Variants in RMST observed in about 807,000 individuals in gnomAD.
The protein encoded by RMST is long intergenic non-protein coding RNA 54.
chr12:97,514,797 A>C (rs1879771440), intron 10 of RMST, among the ~76,000 whole-genome samples: 1 of 152,164 alleles, frequency 6.6e-6, no homozygotes, highest in African/African-American at 2.4e-5. Context: ...AAAGGGAAAA[A>C]AATCATTTGA....
exon 14 of RMST, chr12:97,564,222 C>T (rs1423221607): frequency 5.5e-6 from 1 of 181,602 alleles, no homozygotes. Context: ...TGCCTTCTTT[C>T]GCCACCTGTT....
intron 5 of RMST, among the ~76,000 whole-genome samples, chr12:97,481,074 G>A (rs1875214660): frequency 6.6e-6 from 1 of 152,178 alleles, no homozygotes. Context: ...CACAGAACTG[G>A]AACGATCTTT....
Position 97,562,515 on chromosome 12 carries a change from G to A in RMST, n.1958+1468G>A, listed in dbSNP as rs1258240691. 2.0e-5 allele frequency among the ~76,000 whole-genome samples: 3 copies of A among 152,068 alleles called. No individual in the cohort carries two copies. The East Asian group carries it at 5.8e-4, about 29-fold the overall frequency. On this transcript the variant is annotated intron_variant and non_coding_transcript_variant, in intron 13 of 13. Transcript: ENST00000640149. The stretch of plus-strand genomic sequence containing the variant: ...GAGCCAGCTGGGGGAGGAGGTAGAG[G>A]TGGAGTCTGGGAGGTAGAAGGTGGA...
At chr12:97,467,019 CAG>C (rs1202409412) in intron 5 of RMST, among the ~76,000 whole-genome samples, 1 of 151,872 alleles carries the variant, frequency 6.6e-6, no homozygotes, top group Non-Finnish European at 1.5e-5. Flanking sequence ...GCATGCAAGT[CAG>C]AGAAAGCTGA....
chr12:97,508,479 A>G (rs1258577225), intron 10 of RMST, among the ~76,000 whole-genome samples: 2 of 152,146 alleles, frequency 1.3e-5, no homozygotes, highest in Non-Finnish European at 2.9e-5. Flanking sequence ...GGAGGAAGAA[A>G]GGTGGTCAGC....
intron 10 of RMST, among the ~76,000 whole-genome samples, chr12:97,529,929 C>A (rs1881481860): frequency 6.6e-6 from 1 of 152,038 alleles, no homozygotes; most frequent in South Asian, 2.1e-4. Context: ...TTTTAGCTGA[C>A]ATGCCTAAAT....
intron 10 of RMST, among the ~76,000 whole-genome samples, chr12:97,524,001 G>A (rs965932517): frequency 6.8e-6 from 1 of 147,008 alleles, no homozygotes; most frequent in Middle Eastern, 3.7e-3. Context: ...GCGTGACCCC[G>A]GGAGGCGGAG....
At chr12:97,557,523 T>C (rs142279731) in intron 11 of RMST, among the ~76,000 whole-genome samples, 1 of 152,332 alleles carries the variant, frequency 6.6e-6, no homozygotes, top group African/African-American at 2.4e-5. Context: ...GAACACAGAA[T>C]GGCTTAGCTG....
At chr12:97,516,500 A>G (rs80323608) in intron 10 of RMST, among the ~76,000 whole-genome samples, 1 of 152,174 alleles carries the variant, frequency 6.6e-6, no homozygotes, top group East Asian at 1.9e-4. Flanking sequence ...ACTTGATTCA[A>G]TGTACATTGA....
chr12:97,534,673 T>C (rs957485476), intron 11 of RMST, among the ~76,000 whole-genome samples: 1 of 151,752 alleles, frequency 6.6e-6, no homozygotes, highest in African/African-American at 2.4e-5. Flanking sequence ...GAAGACATTT[T>C]ATTTCTTTAT....
intron 5 of RMST, among the ~76,000 whole-genome samples, chr12:97,482,456 G>C (rs1221155367): frequency 6.6e-6 from 1 of 151,710 alleles, no homozygotes; most frequent in East Asian, 1.9e-4. Context: ...ACTTCCATTA[G>C]TAACTTTTTT....
At chr12:97,512,221 G>A (rs570954472) in intron 10 of RMST, among the ~76,000 whole-genome samples, 2 of 152,256 alleles carry the variant, frequency 1.3e-5, no homozygotes, top group East Asian at 1.9e-4. Flanking sequence ...CGTTCCTCCC[G>A]GTGGGTTCAT....
At chr12:97,530,286 G>A (rs1881508942) in intron 10 of RMST, 1 of 152,052 alleles carries the variant, frequency 6.6e-6, no homozygotes, top group Non-Finnish European at 1.5e-5. Context: ...CCTCCCTGTT[G>A]CAACTTAGCA....
intron 10 of RMST, among the ~76,000 whole-genome samples, chr12:97,524,616 T>C (rs961643429): frequency 1.3e-5 from 2 of 152,142 alleles, no homozygotes; most frequent in Non-Finnish European, 2.9e-5. Flanking sequence ...CCTCCTGAGT[T>C]TTATGCTCTT....
intron 5 of RMST, among the ~76,000 whole-genome samples, chr12:97,474,555 G>A (rs2136398346): frequency 7.2e-6 from 1 of 138,818 alleles, no homozygotes; most frequent in South Asian, 2.3e-4. Flanking sequence ...TAGGTACTTA[G>A]AGACAGTATG....
intron 10 of RMST, among the ~76,000 whole-genome samples, chr12:97,497,211 A>G (rs1877526512): frequency 6.6e-6 from 1 of 152,222 alleles, no homozygotes; most frequent in African/African-American, 2.4e-5. Flanking sequence ...TCAAAGTTTT[A>G]GCAAGAAAAA....
At position 97,472,473 on chromosome 12, in the gene RMST, G is replaced by A. The variant is rs557793530; in HGVS notation, n.644+6746G>A. ...TGTTTTTAAAGTGCTAGGAAGATCC[G>A]AATCCAGAGTCAAGTAGTCCTCACT... On this transcript the variant is annotated intron_variant and non_coding_transcript_variant, in intron 5 of 13. Coordinates refer to ENST00000640149, the Ensembl canonical transcript of RMST. 1.5e-3 allele frequency among the ~76,000 whole-genome samples: 221 copies of A among 152,188 alleles called. 1 individual carries two copies. The highest frequency in any genetic ancestry group is 5.2e-3 in the African/African-American group (215 of 41,546).
intron 5 of RMST, among the ~76,000 whole-genome samples, chr12:97,477,240 A>G (rs1192010946): frequency 1.3e-5 from 2 of 152,142 alleles, no homozygotes; most frequent in Non-Finnish European, 2.9e-5. Context: ...TCAACGTGGA[A>G]ACCTAAGGAG....
chr12:97,481,239 ATACTT>A (rs1160950266), intron 5 of RMST, among the ~76,000 whole-genome samples: 2 of 152,188 alleles, frequency 1.3e-5, no homozygotes, highest in African/African-American at 4.8e-5. Context: ...TATGACATCC[ATACTT>A]TATGTATATT....
Sources: allele counts gnomAD v4.1 joint callset (sites outside exome capture counted in the v4.1 genomes callset), GRCh38; gene constraint gnomAD v4.1.1; transcripts MANE v1.5; gene names NCBI Gene and HGNC (gene_info 2026-07-23, HGNC 2026-07-21).